Variants in PLA2G4A observed in about 807,000 individuals in gnomAD.
The protein encoded by PLA2G4A is phospholipase A2 group IVA.
A neutral mutation model predicts 81.9 loss-of-function variants in PLA2G4A; 40 were observed. That is an observed-to-expected ratio of 0.49 (90% confidence interval 0.38 to 0.64). The LOEUF is 0.64. Ranked by LOEUF, PLA2G4A falls within the 30% of genes least tolerant of loss-of-function variation. The pLI is 0.00. For missense variants in PLA2G4A, 715 were observed against 905.1 expected (o/e 0.79, Z 2.69); for synonymous variants, 302 against 296.9 (o/e 1.02, Z -0.18).
chr1:186,837,740 A>AAAAAAG (rs1651835943), intron 1 of PLA2G4A, among the ~76,000 whole-genome samples: 1 of 147,354 alleles, frequency 6.8e-6, no homozygotes, highest in Non-Finnish European at 1.5e-5. Flanking sequence ...CCGTCTCAAA[A>AAAAAAG]AAAAAAAAAA....
intron 7 of PLA2G4A, among the ~76,000 whole-genome samples, chr1:186,914,116 GT>G (rs1463135991): frequency 2.6e-5 from 4 of 151,632 alleles, no homozygotes; most frequent in African/African-American, 9.7e-5. Context: ...TTGAGACAGG[GT>G]TTTGCTTTGT....
At chr1:186,969,715 A>G (rs1375590848) in intron 15 of PLA2G4A, among the ~76,000 whole-genome samples, 2 of 145,104 alleles carry the variant, frequency 1.4e-5, no homozygotes, top group African/African-American at 5.0e-5. Flanking sequence ...AGTTCCTGAC[A>G]TGTTATTACA....
chr1:186,980,973 C>T (rs769486790), intron 17 of PLA2G4A, among the ~76,000 whole-genome samples: 15 of 152,108 alleles, frequency 9.9e-5, no homozygotes, highest in African/African-American at 2.2e-4. Context: ...CTGAAATCCA[C>T]GTGATACATT....
intron 3 of PLA2G4A, among the ~76,000 whole-genome samples, chr1:186,886,208 C>T (rs753840157): frequency 4.6e-5 from 7 of 152,006 alleles, no homozygotes; most frequent in Non-Finnish European, 7.4e-5. Flanking sequence ...TTGGTATAGG[C>T]GTGGTATAGA....
chr1:186,946,964 A>G lies in PLA2G4A; in HGVS notation c.1264+3A>G. Reference sequence around the variant, plus strand: ...CTCCACAATGGAGGAAGAATTAGGTATCCTAAAGATATGCTTACATTGATA... The same window carrying G: ...CTCCACAATGGAGGAAGAATTAGGTGTCCTAAAGATATGCTTACATTGATA... On this transcript the variant is annotated splice_donor_region_variant and intron_variant, in intron 12 of 17. Transcript: ENST00000367466. The G allele has an allele frequency of 4.6e-6, 7 of 1,513,578 alleles. No homozygotes were observed. The highest frequency in any genetic ancestry group is 6.4e-6 in the Non-Finnish European group (7 of 1,088,324). 93.8% of individuals were successfully genotyped at this position (1,513,578 alleles called of 1,614,324 possible). A position where few individuals can be genotyped will look rare whatever the true frequency, so the allele number is the denominator to read the frequency against.
At chr1:186,950,837 G>T in intron 13 of PLA2G4A, 109 bp downstream of exon 13, 1 of 721,210 alleles carries the variant, frequency 1.4e-6, no homozygotes. Context: ...TTCAGACACG[G>T]AAGTGATAAA....
At chr1:186,934,463 T>TACAC (rs1553216897) in intron 8 of PLA2G4A, among the ~76,000 whole-genome samples, 5,136 of 143,484 alleles carry the variant, frequency 0.036, 210 homozygotes, top group African/African-American at 0.05. Flanking sequence ...TATATATATA[T>TACAC]ACATACACAG....
intron 5 of PLA2G4A, among the ~76,000 whole-genome samples, chr1:186,905,482 G>A (rs532035653): frequency 1.3e-4 from 20 of 151,800 alleles, no homozygotes; most frequent in East Asian, 9.7e-4. Context: ...ACCCTTTGAC[G>A]TTACATTCAT....
intron 1 of PLA2G4A, among the ~76,000 whole-genome samples, chr1:186,838,693 A>T (rs989816772): frequency 2.6e-5 from 4 of 152,134 alleles, no homozygotes; most frequent in Admixed American, 2.0e-4. Flanking sequence ...CTGAATGATT[A>T]ACTGTTTGCC....
intron 3 of PLA2G4A, among the ~76,000 whole-genome samples, chr1:186,879,339 G>A (rs1335078008): frequency 6.6e-6 from 1 of 151,952 alleles, no homozygotes; most frequent in African/African-American, 2.4e-5. Flanking sequence ...ATTCCAGCAA[G>A]GCCTGACTAA....
chr1:186,960,578 T>C (rs2891261), intron 14 of PLA2G4A, among the ~76,000 whole-genome samples: 116,365 of 151,926 alleles, frequency 0.77, 46,277 homozygotes, highest in South Asian at 0.89. Flanking sequence ...ACATTTACAA[T>C]TCGATCTCCT....
At chr1:186,922,985 A>T (rs1237133417) in intron 7 of PLA2G4A, among the ~76,000 whole-genome samples, 1 of 152,242 alleles carries the variant, frequency 6.6e-6, no homozygotes, top group Non-Finnish European at 1.5e-5. Flanking sequence ...ATAACCAATT[A>T]TGTCAGTCGT....
chr1:186,929,682 C>A (rs1290064513), intron 7 of PLA2G4A, among the ~76,000 whole-genome samples: 1 of 152,074 alleles, frequency 6.6e-6, no homozygotes, highest in Non-Finnish European at 1.5e-5. Context: ...ATGTGGCAGA[C>A]CCAACTTTGA....
chr1:186,977,531 C>A, intron 15 of PLA2G4A, 62 bp from the exon 16 acceptor site: 2 of 1,112,594 alleles, frequency 1.8e-6, no homozygotes, highest in South Asian at 1.3e-5. Flanking sequence ...GAATTATGGT[C>A]AGACCAACTG....
chr1:186,920,917 CT>C (rs1192734043), intron 7 of PLA2G4A, among the ~76,000 whole-genome samples: 1 of 152,218 alleles, frequency 6.6e-6, no homozygotes, highest in Non-Finnish European at 1.5e-5. Context: ...CAATTTTCTC[CT>C]GATATCTTCC....
At chr1:186,879,844 TA>T (rs147788201) in intron 3 of PLA2G4A, among the ~76,000 whole-genome samples, 66,280 of 149,030 alleles carry the variant, frequency 0.44, 17,684 homozygotes, top group Non-Finnish European at 0.61. Flanking sequence ...TTTATATATA[TA>T]TTTTTTTATT....
chr1:186,973,920 C>T (rs1657444301), intron 15 of PLA2G4A, among the ~76,000 whole-genome samples: 1 of 152,050 alleles, frequency 6.6e-6, no homozygotes, highest in African/African-American at 2.4e-5. Context: ...CCCTAATCTT[C>T]TCCCTAATCT....
intron 7 of PLA2G4A, among the ~76,000 whole-genome samples, chr1:186,920,515 G>A (rs1571402431): frequency 6.6e-6 from 1 of 152,210 alleles, no homozygotes; most frequent in Non-Finnish European, 1.5e-5. Flanking sequence ...GGGGGCGCTT[G>A]AGCCCGGTCC....
intron 12 of PLA2G4A, among the ~76,000 whole-genome samples, chr1:186,949,401 AAAG>A (rs370727706): frequency 3.7e-4 from 7 of 19,162 alleles, no homozygotes; most frequent in African/African-American, 7.9e-4. Context: ...AAAGAAAAAG[AAAG>A]AAGAAAGAAA....
Sources: allele counts gnomAD v4.1 joint callset (sites outside exome capture counted in the v4.1 genomes callset), GRCh38; gene constraint gnomAD v4.1.1; transcripts MANE v1.5; gene names NCBI Gene and HGNC (gene_info 2026-07-23, HGNC 2026-07-21).